The following OLA1 variants were observed in gnomAD, a reference collection of about 807,000 sequenced individuals.
OLA1 encodes the protein Obg like ATPase 1, also known as obg-like ATPase 1.
In OLA1, 14 loss-of-function variants were observed where a neutral mutation model predicts 48.4. That is an observed-to-expected ratio of 0.29 (90% confidence interval 0.19 to 0.45). OLA1 has a LOEUF of 0.45. Ranked by LOEUF, OLA1 falls within the 20% of genes least tolerant of loss-of-function variation. OLA1 has a pLI of 1.00. For synonymous variants in OLA1, 127 were observed against 150.4 expected (o/e 0.84, Z 1.14); for missense variants, 325 against 467.1 (o/e 0.70, Z 2.80).
chr2:174,109,290 AC>A (rs1041767502), intron 7 of OLA1, among the ~76,000 whole-genome samples: 7 of 152,112 alleles, frequency 4.6e-5, no homozygotes. Context: ...TTCCCAGTCT[AC>A]CCCACTGGTC....
intron 4 of OLA1, among the ~76,000 whole-genome samples, chr2:174,179,250 A>T (rs1240286742): frequency 6.6e-6 from 1 of 151,882 alleles, no homozygotes; most frequent in African/African-American, 2.4e-5. Flanking sequence ...TTTTATGGTT[A>T]CAGTTTGATA....
At chr2:174,247,896 A>G (rs1271998237) in intron 1 of OLA1, 32 of 1,185,128 alleles carry the variant, frequency 2.7e-5, no homozygotes, top group Non-Finnish European at 3.7e-5. Context: ...CTGCAAAGTG[A>G]AATCACAAAG....
chr2:174,080,024 C>T (rs1219805040), intron 9 of OLA1, among the ~76,000 whole-genome samples: 1 of 151,960 alleles, frequency 6.6e-6, no homozygotes, highest in Non-Finnish European at 1.5e-5. Flanking sequence ...CTTTAAAATA[C>T]ATCTTTAAAA....
intron 7 of OLA1, among the ~76,000 whole-genome samples, chr2:174,088,016 A>G (rs1458582357): frequency 6.6e-6 from 1 of 152,212 alleles, no homozygotes; most frequent in African/African-American, 2.4e-5. Flanking sequence ...TTGAACTTAC[A>G]TCTTCACTTT....
intron 4 of OLA1, among the ~76,000 whole-genome samples, chr2:174,215,349 A>C (rs1020686658): frequency 1.2e-4 from 18 of 152,210 alleles, no homozygotes; most frequent in African/African-American, 4.3e-4. Flanking sequence ...AAATATTTTT[A>C]AATGCTTTAC....
At chr2:174,247,586 ACACCAAAC>A in intron 1 of OLA1, 1 of 1,532,768 alleles carries the variant, frequency 6.5e-7, no homozygotes, top group Non-Finnish European at 8.8e-7. Flanking sequence ...GTCACCCTTC[ACACCAAAC>A]CATTCCTCTA....
chr2:174,204,566 C>G (rs1351855876), intron 4 of OLA1, among the ~76,000 whole-genome samples: 2 of 152,086 alleles, frequency 1.3e-5, no homozygotes, highest in Admixed American at 6.5e-5. Context: ...GATAAAGTCA[C>G]TCACTAAAGA....
intron 4 of OLA1, among the ~76,000 whole-genome samples, chr2:174,186,598 G>T (rs540143653): frequency 2.6e-5 from 4 of 152,154 alleles, no homozygotes; most frequent in African/African-American, 9.7e-5. Context: ...GGCACGTGTT[G>T]TACAGGCTGG....
At chr2:174,227,960 G>A (rs980506986) in intron 3 of OLA1, among the ~76,000 whole-genome samples, 2 of 152,184 alleles carry the variant, frequency 1.3e-5, no homozygotes, top group African/African-American at 2.4e-5. Flanking sequence ...CTGGATACGG[G>A]GTGAGGGGAG....
Position 174,075,350 on chromosome 2 carries a change from G to T in OLA1, c.*76C>A. 1.3e-6 allele frequency: 1 copy of T among 785,648 alleles called. No homozygotes were observed. The highest frequency in any genetic ancestry group is 2.1e-6 in the Non-Finnish European group (1 of 476,542). The allele number at this position is 785,648 out of a possible 1,614,324, so 48.7% of individuals were successfully genotyped here. ...CTCCCCAACTTTATTTGTCGCATTG[G>T]TTTTCAGAAATTTTAATTTTTTAAA... On this transcript the variant is annotated 3_prime_UTR_variant, in exon 11 of 11. Coordinates refer to ENST00000284719, the MANE Select transcript of OLA1 (RefSeq NM_013341.5).
intron 4 of OLA1, among the ~76,000 whole-genome samples, chr2:174,222,075 G>C (rs760461577): frequency 6.6e-6 from 1 of 152,210 alleles, no homozygotes; most frequent in East Asian, 1.9e-4. Context: ...TGGTACAAAA[G>C]TAATTGCAGT....
intron 7 of OLA1, among the ~76,000 whole-genome samples, chr2:174,084,429 T>C (rs1409637797): frequency 6.6e-6 from 1 of 152,236 alleles, no homozygotes; most frequent in East Asian, 1.9e-4. Flanking sequence ...TGAGGTTCTT[T>C]GGCTGTCTGC....
intron 4 of OLA1, among the ~76,000 whole-genome samples, chr2:174,193,522 T>C (rs1687819368): frequency 6.6e-6 from 1 of 152,186 alleles, no homozygotes; most frequent in Non-Finnish European, 1.5e-5. Flanking sequence ...AGAAACTAAA[T>C]AGTTTTTATG....
intron 7 of OLA1, among the ~76,000 whole-genome samples, chr2:174,112,660 G>A (rs1440025166): frequency 6.6e-6 from 1 of 152,072 alleles, no homozygotes; most frequent in Non-Finnish European, 1.5e-5. Flanking sequence ...TTTCAGGAGT[G>A]GACTCCTGAT....
chr2:174,077,137 A>G (rs1459936039), intron 10 of OLA1, among the ~76,000 whole-genome samples: 1 of 152,164 alleles, frequency 6.6e-6, no homozygotes, highest in East Asian at 1.9e-4. Flanking sequence ...ATTAAACAAG[A>G]CACGTCTAAC....
intron 2 of OLA1, among the ~76,000 whole-genome samples, chr2:174,230,547 T>C (rs1688705450): frequency 6.6e-6 from 1 of 152,032 alleles, no homozygotes; most frequent in African/African-American, 2.4e-5. Context: ...GAGAAAAAAA[T>C]AGTACCTCCT....
chr2:174,103,929 C>T (rs986604664), intron 7 of OLA1, among the ~76,000 whole-genome samples: 1 of 151,972 alleles, frequency 6.6e-6, no homozygotes, highest in African/African-American at 2.4e-5. Context: ...TGTGGAAGCA[C>T]AGAGTCATCC....
In OLA1 at chr2:174,111,536, G is replaced by A. The variant is rs369579752; in HGVS notation, c.728+11644C>T. Among the ~76,000 whole-genome samples the A allele has an allele frequency of 5.3e-4, 80 of 152,242 alleles. 3 individuals are homozygous for A. The South Asian group carries it at 0.016, about 30-fold the overall frequency. ...ACACCCCAAAGTGCAGCATATAATA[G>A]ATGCTCAACAAATGGTAGTCATTAG... On this transcript the variant is annotated intron_variant, in intron 7 of 10. Coordinates refer to ENST00000284719, the MANE Select transcript of OLA1 (RefSeq NM_013341.5).
At chr2:174,201,886 C>T (rs1048084497) in intron 4 of OLA1, among the ~76,000 whole-genome samples, 2 of 152,084 alleles carry the variant, frequency 1.3e-5, no homozygotes, top group African/African-American at 4.8e-5. Flanking sequence ...TAAAGGTAAG[C>T]TACCATTTTG....
Sources: gnomAD v4.1 joint callset for allele counts (sites outside exome capture counted in the v4.1 genomes callset) on GRCh38, gnomAD v4.1.1 for gene constraint, MANE v1.5 for transcripts, NCBI Gene and HGNC (gene_info 2026-07-23, HGNC 2026-07-21) for gene names.